TECRL: variants seen among roughly 807,000 people sequenced by gnomAD.
TECRL encodes trans-2,3-enoyl-CoA reductase like.
In TECRL, 63 loss-of-function variants were observed where a neutral mutation model predicts 52.8. The ratio of observed to expected loss-of-function variants is 1.19; its 90% CI spans 0.97 to 1.47. The LOEUF is 1.47. TECRL is among the 40% of genes most tolerant of loss of function. The probability of loss-of-function intolerance (pLI) is 0.00; values close to 1 mark genes in which losing one functional copy is unlikely to be tolerated. For missense variants in TECRL, 482 were observed against 429.6 expected, an observed-to-expected ratio of 1.12 and a Z score of -1.08; for synonymous variants, 164 against 141.9, an observed-to-expected ratio of 1.16 and a Z score of -1.10.
intron 2 of TECRL, among the ~76,000 whole-genome samples, chr4:64,339,398 A>G (rs1452702871): frequency 6.6e-6 from 1 of 151,884 alleles, no homozygotes; most frequent in African/African-American, 2.4e-5. Flanking sequence ...ATATGTAAGA[A>G]ACCTGCATGT....
At chr4:64,384,704 G>T (rs558426780) in intron 1 of TECRL, among the ~76,000 whole-genome samples, 4 of 152,140 alleles carry the variant, frequency 2.6e-5, no homozygotes, top group African/African-American at 9.6e-5. Context: ...CTGATGGTGT[G>T]CATGGACACA....
chr4:64,399,051 G>A (rs1207448913), intron 1 of TECRL, among the ~76,000 whole-genome samples: 1 of 152,080 alleles, frequency 6.6e-6, no homozygotes, highest in African/African-American at 2.4e-5. Context: ...TGTTGTTCTT[G>A]TTTTATTTTG....
At chr4:64,347,197 C>G (rs929709413) in intron 2 of TECRL, among the ~76,000 whole-genome samples, 1 of 152,104 alleles carries the variant, frequency 6.6e-6, no homozygotes, top group African/African-American at 2.4e-5. Flanking sequence ...GGCCATAGTG[C>G]AAAATAATCC....
chr4:64,381,531 A>G (rs979802086), intron 1 of TECRL, among the ~76,000 whole-genome samples: 3 of 151,920 alleles, frequency 2.0e-5, no homozygotes, highest in African/African-American at 7.3e-5. Context: ...TTTGTCATAT[A>G]TGCCCTTTAT....
intron 2 of TECRL, among the ~76,000 whole-genome samples, chr4:64,333,533 T>A (rs901137599): frequency 6.6e-6 from 1 of 152,200 alleles, no homozygotes; most frequent in South Asian, 2.1e-4. Flanking sequence ...TTTGATTATA[T>A]ACAATGTGAT....
chr4:64,282,980 T>C (rs930342231), intron 9 of TECRL, among the ~76,000 whole-genome samples: 2 of 151,934 alleles, frequency 1.3e-5, no homozygotes, highest in East Asian at 1.9e-4. Flanking sequence ...TTTAGGCATA[T>C]AAGGTTTATT....
At chr4:64,322,899 G>A in intron 3 of TECRL, 107 bp from the exon 4 acceptor site, 10 of 777,854 alleles carry the variant, frequency 1.3e-5, no homozygotes, top group South Asian at 7.2e-5. Context: ...AATTTAATAT[G>A]GAAATTACAA....
At chr4:64,377,114 A>T (rs1722451461) in intron 1 of TECRL, among the ~76,000 whole-genome samples, 1 of 152,064 alleles carries the variant, frequency 6.6e-6, no homozygotes, top group African/African-American at 2.4e-5. Flanking sequence ...CATGTGGAAT[A>T]GGGATGTATT....
At chr4:64,314,842 T>C in intron 4 of TECRL, 79 bp from the exon 5 acceptor site, 1 of 990,924 alleles carries the variant, frequency 1.0e-6, no homozygotes, top group South Asian at 1.4e-5. Flanking sequence ...AGTATTAGCC[T>C]ACTGCATAAA....
At chr4:64,311,272 T>C (rs976555517) in intron 5 of TECRL, among the ~76,000 whole-genome samples, 18 of 152,268 alleles carry the variant, frequency 1.2e-4, no homozygotes, top group African/African-American at 4.1e-4. Context: ...TTATGTAACA[T>C]AAATGTATTA....
At chr4:64,385,063 G>A (rs1169073109) in intron 1 of TECRL, among the ~76,000 whole-genome samples, 4 of 152,168 alleles carry the variant, frequency 2.6e-5, no homozygotes, top group African/African-American at 9.7e-5. Context: ...AGGTTTTCCT[G>A]ATGGTATATG....
intron 1 of TECRL, among the ~76,000 whole-genome samples, chr4:64,408,799 A>G (rs1229174542): frequency 1.3e-5 from 2 of 152,132 alleles, no homozygotes; most frequent in East Asian, 3.9e-4. Flanking sequence ...GAGACATTTT[A>G]CATGTAGGAA....
At chr4:64,335,436 T>A (rs1718994192) in intron 2 of TECRL, among the ~76,000 whole-genome samples, 1 of 152,234 alleles carries the variant, frequency 6.6e-6, no homozygotes, top group South Asian at 2.1e-4. Context: ...CCACTGATTC[T>A]ACATTTTGGT....
Position 64,313,568 on chromosome 4 carries a change from A to G in TECRL, c.551+1080T>C, listed in dbSNP as rs368821713. On this transcript the variant is annotated intron_variant, in intron 5 of 11. Coordinates refer to ENST00000381210, the MANE Select transcript of TECRL (RefSeq NM_001010874.5). Reference sequence around the variant, plus strand: ...GCGATCTCAGCTCACTGCAAGCTCCACCTCCCGGGTTCACACCATTCTCCT... The same window carrying G: ...GCGATCTCAGCTCACTGCAAGCTCCGCCTCCCGGGTTCACACCATTCTCCT... 5.5e-5 allele frequency among the ~76,000 whole-genome samples: 7 copies of G among 127,250 alleles called. No homozygotes were observed. In the South Asian group the frequency reaches 1.2e-3, roughly 22 times the overall value. 83.5% of individuals were successfully genotyped at this position (127,250 alleles called of 152,430 possible).
chr4:64,360,722 A>G (rs1721122616), intron 2 of TECRL, among the ~76,000 whole-genome samples: 1 of 151,896 alleles, frequency 6.6e-6, no homozygotes, highest in African/African-American at 2.4e-5. Flanking sequence ...AAGCATTGGG[A>G]CTCATTCCTG....
intron 2 of TECRL, among the ~76,000 whole-genome samples, chr4:64,343,324 G>A (rs551469685): frequency 5.3e-5 from 8 of 152,070 alleles, no homozygotes; most frequent in East Asian, 1.9e-4. Context: ...AAATGATACC[G>A]TGCTCAAAGA....
At chr4:64,405,358 G>A (rs1433643309) in intron 1 of TECRL, among the ~76,000 whole-genome samples, 2 of 152,058 alleles carry the variant, frequency 1.3e-5, no homozygotes, top group African/African-American at 2.4e-5. Flanking sequence ...GAAGTAGAAG[G>A]GTTGATATAT....
intron 2 of TECRL, among the ~76,000 whole-genome samples, chr4:64,335,556 G>C (rs912321801): frequency 5.3e-5 from 8 of 152,142 alleles, no homozygotes; most frequent in Non-Finnish European, 5.9e-5. Context: ...TACATCCCCT[G>C]TGTGTGGAGA....
chr4:64,389,906 A>G (rs1368639231), intron 1 of TECRL, among the ~76,000 whole-genome samples: 2 of 151,888 alleles, frequency 1.3e-5, no homozygotes, highest in Non-Finnish European at 2.9e-5. Flanking sequence ...GGGCTGGTGG[A>G]CATTGGACTT....
Sources: gnomAD v4.1 joint callset for allele counts (sites outside exome capture counted in the v4.1 genomes callset) on GRCh38, gnomAD v4.1.1 for gene constraint, MANE v1.5 for transcripts, NCBI Gene and HGNC (gene_info 2026-07-23, HGNC 2026-07-21) for gene names.